The following PLD1 variants were observed in gnomAD, a reference collection of about 807,000 sequenced individuals.
The protein encoded by PLD1 is phospholipase D1, also known as choline phosphatase 1.
PLD1 carries 112 observed loss-of-function variants against 137.1 expected under a neutral mutation model. The ratio of observed to expected loss-of-function variants is 0.82; its 90% CI spans 0.70 to 0.96. The LOEUF (loss-of-function observed/expected upper bound fraction) is 0.96, where lower values mean the gene tolerates loss of function less well. Ranked by LOEUF, PLD1 falls within the 40% of genes least tolerant of loss-of-function variation. The pLI is 0.00. For synonymous variants in PLD1, 431 were observed against 454.7 expected (o/e 0.95, Z 0.66); for missense variants, 1,321 against 1,342.0 (o/e 0.98, Z 0.24).
intron 22 of PLD1, 49 bp downstream of exon 22, chr3:171,644,861 C>T: frequency 9.4e-7 from 1 of 1,061,988 alleles, no homozygotes; most frequent in Non-Finnish European, 1.5e-6. Flanking sequence ...CATCAGCTTA[C>T]ATGATGCATG....
At chr3:171,619,665 G>T (rs949848495) in intron 24 of PLD1, among the ~76,000 whole-genome samples, 1 of 152,154 alleles carries the variant, frequency 6.6e-6, no homozygotes, top group Non-Finnish European at 1.5e-5. Context: ...CAGATCTGTG[G>T]TAATGGTTAG....
chr3:171,691,234 G>A (rs957352851), intron 13 of PLD1, among the ~76,000 whole-genome samples: 1 of 152,070 alleles, frequency 6.6e-6, no homozygotes, highest in Non-Finnish European at 1.5e-5. Flanking sequence ...ATACCATATA[G>A]TTGGATCATG....
At chr3:171,660,377 A>G (rs1737565812) in intron 20 of PLD1, among the ~76,000 whole-genome samples, 1 of 151,550 alleles carries the variant, frequency 6.6e-6, no homozygotes, top group Non-Finnish European at 1.5e-5. Flanking sequence ...TTCTGAATTC[A>G]TATTATAAAG....
Position 171,708,788 on chromosome 3 carries a change from T to A in PLD1, c.1112A>T (p.Glu371Val), listed in dbSNP as rs1244264934. ...YFEDVANAME[E>V]ANEEIFITDW... ...TGTGATAAAAATCTCTTCATTTGCCTCTTCCATTGCATTTGCCACATCTTC... is the reference window on the plus strand; with the variant it reads ...TGTGATAAAAATCTCTTCATTTGCCACTTCCATTGCATTTGCCACATCTTC... The change falls in exon 11 of 27, where the codon GAG becomes GTG. Residue 371 changes from glutamate (E) to valine (V), a missense_variant. Coordinates refer to ENST00000351298, the MANE Select transcript of PLD1 (RefSeq NM_002662.5). 3 of 1,604,258 alleles carry A rather than the reference T, an allele frequency of 1.9e-6. No individual in the cohort carries two copies. The highest frequency in any genetic ancestry group is 2.6e-6 in the Non-Finnish European group (3 of 1,170,960).
chr3:171,638,701 T>A (rs9846460), intron 23 of PLD1, among the ~76,000 whole-genome samples: 26,543 of 152,094 alleles, frequency 0.17, 2,414 homozygotes, highest in South Asian at 0.24. Flanking sequence ...GTTTTGGGAG[T>A]TTGTGTCTTT....
At chr3:171,656,283 A>G (rs1380082926) in intron 21 of PLD1, among the ~76,000 whole-genome samples, 3 of 151,866 alleles carry the variant, frequency 2.0e-5, no homozygotes, top group African/African-American at 7.3e-5. Flanking sequence ...CAGTTCTCCT[A>G]CCGCAGCCAC....
rs1216490607 is a variant in PLD1, at chr3:171,764,897, AAGGAAGG to A, written c.-31-26822_-31-26816del. 6.7e-3 allele frequency among the ~76,000 whole-genome samples: 188 copies of A among 28,052 alleles called. 6 individuals are homozygous for A. The highest frequency in any genetic ancestry group is 9.2e-3 in the Admixed American group (25 of 2,712). The allele number at this position is 28,052 out of a possible 152,430, so 18.4% of individuals were successfully genotyped here. A position where few individuals can be genotyped will look rare whatever the true frequency, so the allele number is the denominator to read the frequency against. ...AAAGAAAGAAAGAAAGAAAGAAAGGAAGGAAGGAAGGAAGGAAAGAAAGAAAGGAAAG... is the reference window on the plus strand; with the variant it reads ...AAAGAAAGAAAGAAAGAAAGAAAGGAAAGGAAGGAAAGAAAGAAAGGAAAG... On this transcript the variant is annotated intron_variant, in intron 1 of 26. Transcript: ENST00000351298.
intron 8 of PLD1, among the ~76,000 whole-genome samples, chr3:171,722,129 A>G (rs1718172669): frequency 6.6e-6 from 1 of 152,188 alleles, no homozygotes. Context: ...ATCCCAGTAC[A>G]TTGTTATTGC....
At chr3:171,792,505 G>T (rs182759258) in intron 1 of PLD1, 50 of 446,330 alleles carry the variant, frequency 1.1e-4, no homozygotes, top group South Asian at 7.8e-4. Context: ...GTGAGAAGGG[G>T]GCCCTCAGAC....
At chr3:171,706,124 G>A (rs28552643) in intron 11 of PLD1, among the ~76,000 whole-genome samples, 10,990 of 146,774 alleles carry the variant, frequency 0.075, 424 homozygotes, top group South Asian at 0.11. Flanking sequence ...GGGTCAGTCA[G>A]TCTATCTATC....
intron 1 of PLD1, among the ~76,000 whole-genome samples, chr3:171,778,807 C>A (rs938296156): frequency 6.6e-6 from 1 of 152,084 alleles, no homozygotes; most frequent in Admixed American, 6.5e-5. Context: ...TTACGTTTTT[C>A]CTTAAATATA....
chr3:171,652,456 A>C (rs1024452932), intron 21 of PLD1, among the ~76,000 whole-genome samples: 5 of 151,772 alleles, frequency 3.3e-5, no homozygotes, highest in Admixed American at 2.6e-4. Flanking sequence ...ATTTTCTTTA[A>C]GACAAGGCTT....
intron 6 of PLD1, among the ~76,000 whole-genome samples, chr3:171,731,515 C>T (rs547273850): frequency 4.6e-5 from 7 of 152,268 alleles, no homozygotes; most frequent in East Asian, 1.9e-4. Context: ...GGCACGGTGG[C>T]TCACGCCTGT....
intron 24 of PLD1, among the ~76,000 whole-genome samples, chr3:171,613,967 G>A (rs1055783223): frequency 2.0e-5 from 3 of 152,190 alleles, no homozygotes; most frequent in African/African-American, 4.8e-5. Flanking sequence ...AGAAGGGTCA[G>A]GTTGAACAGG....
intron 26 of PLD1, among the ~76,000 whole-genome samples, 170 bp from the exon 27 acceptor site, chr3:171,603,472 TAGATAGATCTGCTACAAAC>T (rs1731973168): frequency 6.6e-6 from 1 of 152,194 alleles, no homozygotes; most frequent in South Asian, 2.1e-4. Flanking sequence ...TAACCAACAA[TAGATAGATCTGCTACAAAC>T]AGATAGATCT....
intron 1 of PLD1, among the ~76,000 whole-genome samples, chr3:171,775,586 T>C (rs1009031097): frequency 9.9e-5 from 15 of 152,040 alleles, no homozygotes; most frequent in Admixed American, 9.8e-4. Flanking sequence ...CTCACGTCTG[T>C]GATCCCAGCA....
At chr3:171,751,452 A>T (rs1720651790) in intron 1 of PLD1, among the ~76,000 whole-genome samples, 1 of 152,242 alleles carries the variant, frequency 6.6e-6, no homozygotes, top group African/African-American at 2.4e-5. Flanking sequence ...CTATAAAAAC[A>T]TAAGAAAAAT....
intron 1 of PLD1, among the ~76,000 whole-genome samples, chr3:171,739,716 T>C (rs1318444258): frequency 6.6e-6 from 1 of 152,198 alleles, no homozygotes; most frequent in East Asian, 1.9e-4. Flanking sequence ...CCCCTCTTTA[T>C]AGATAAGGAA....
At chr3:171,711,816 C>CAAAAAAAA (rs1717256347) in intron 9 of PLD1, among the ~76,000 whole-genome samples, 1 of 68,640 alleles carries the variant, frequency 1.5e-5, no homozygotes, top group African/African-American at 9.1e-5. Flanking sequence ...GTTATAAATG[C>CAAAAAAAA]TAAAAAAAAA....
Sources: allele counts gnomAD v4.1 joint callset (sites outside exome capture counted in the v4.1 genomes callset), GRCh38; gene constraint gnomAD v4.1.1; transcripts MANE v1.5; gene names NCBI Gene and HGNC (gene_info 2026-07-23, HGNC 2026-07-21).